STAU2: variants seen among roughly 807,000 people sequenced by gnomAD.
STAU2 encodes the protein double-stranded RNA-binding protein Staufen homolog 2.
A neutral mutation model predicts 65.9 loss-of-function variants in STAU2; 20 were observed. The observed-to-expected ratio is 0.30, with a 90% confidence interval of 0.21 to 0.44. The LOEUF (loss-of-function observed/expected upper bound fraction) is 0.44, where lower values mean the gene tolerates loss of function less well. STAU2 is among the 20% of genes least tolerant of loss of function. STAU2 has a pLI of 1.00. For missense variants in STAU2, 558 were observed against 683.9 expected (o/e 0.82, Z 2.05); for synonymous variants, 232 against 233.9 (o/e 0.99, Z 0.07).
chr8:73,706,795 A>G (rs1038120114), intron 4 of STAU2, among the ~76,000 whole-genome samples: 1 of 152,206 alleles, frequency 6.6e-6, no homozygotes, highest in Non-Finnish European at 1.5e-5. Context: ...ATTGAGAAAT[A>G]AGAAGAGACC....
chr8:73,476,785 CATGGCATTT>C (rs1820347450), intron 13 of STAU2, among the ~76,000 whole-genome samples: 1 of 152,182 alleles, frequency 6.6e-6, no homozygotes. Context: ...TTACATCTTT[CATGGCATTT>C]ATACCCACAG....
intron 12 of STAU2, among the ~76,000 whole-genome samples, chr8:73,581,469 G>A (rs1809978560): frequency 6.6e-6 from 1 of 152,162 alleles, no homozygotes; most frequent in African/African-American, 2.4e-5. Context: ...GGCATGGAAG[G>A]AAATCAACAT....
rs1233048828 is a variant in STAU2 at position 73,713,898 on chromosome 8, A to T, written c.-17-4736T>A. Among the ~76,000 whole-genome samples the T allele has an allele frequency of 4.0e-5, 6 of 150,908 alleles. No homozygotes were observed. In the East Asian group the frequency reaches 7.8e-4, roughly 20 times the overall value. On this transcript the variant is annotated intron_variant, in intron 3 of 14. Coordinates refer to ENST00000524300, the MANE Select transcript of STAU2 (RefSeq NM_001164380.2). ...CCTTGGTCCCAGAAATGACTTAAAC[A>T]CGGTTTCTTTCCTTTTTTTTTTGAG...
At chr8:73,651,655 G>A (rs552137674) in intron 6 of STAU2, 45 of 532,150 alleles carry the variant, frequency 8.5e-5, no homozygotes, top group South Asian at 7.7e-4. Flanking sequence ...CCTGGCCTCT[G>A]AGTGGGCCTG....
At chr8:73,698,617 T>C (rs1318222069) in intron 4 of STAU2, among the ~76,000 whole-genome samples, 4 of 152,098 alleles carry the variant, frequency 2.6e-5, no homozygotes, top group Non-Finnish European at 5.9e-5. Context: ...TAATTGTAAA[T>C]ATATATGCAA....
chr8:73,603,823 C>A lies in STAU2; in HGVS notation c.932G>T (p.Arg311Leu). The A allele has an allele frequency of 1.2e-6, 2 of 1,612,030 alleles. No homozygotes were observed. The highest frequency in any genetic ancestry group is 1.7e-6 in the Non-Finnish European group (2 of 1,179,800). The change falls in exon 10 of 15, where the codon CGC (arginine) becomes CTC (leucine). Residue 311 changes from arginine (R) to leucine (L), a missense_variant. By Grantham distance (102) the Arg-to-Leu change is moderately radical. This residue lies in a region of STAU2 where 199 missense variants were observed against 299.5 expected (regional missense o/e 0.66). Transcript: ENST00000524300. Reference protein sequence around the residue: ...EYGQGMNPISRLAQIQQAKKE... With the variant: ...EYGQGMNPISLLAQIQQAKKE... ...TTTGGCCTGTTGAATTTGCGCCAGG[C>A]GGCTAATAGGGTTCATCCCTTGGCC...
At chr8:73,538,393 C>T (rs928495131) in intron 13 of STAU2, among the ~76,000 whole-genome samples, 6 of 151,890 alleles carry the variant, frequency 4.0e-5, no homozygotes, top group African/African-American at 1.2e-4. Flanking sequence ...TGAAAGTAGC[C>T]AAGAGCCTAT....
intron 13 of STAU2, 147 bp downstream of exon 13, chr8:73,551,863 TTG>T: frequency 9.1e-6 from 12 of 1,313,932 alleles, no homozygotes; most frequent in Non-Finnish European, 1.2e-5. Flanking sequence ...TATGGCTTTT[TTG>T]TCTGTCCTTT....
rs114694328 is a variant in STAU2, at chr8:73,611,472, T to C, written c.891+2272A>G. Among the ~76,000 whole-genome samples the C allele has an allele frequency of 4.4e-3, 675 of 152,256 alleles. 7 individuals carry two copies. The highest frequency in any genetic ancestry group is 0.016 in the African/African-American group (648 of 41,550). ...GCATAGGAGGGAAGTTCTGGGATAA[T>C]ATTACTTATATACTGGAAGCAGTAG... On this transcript the variant is annotated intron_variant, in intron 9 of 14. Coordinates refer to ENST00000524300, the MANE Select transcript of STAU2 (RefSeq NM_001164380.2).
chr8:73,694,391 C>CA (rs1353586709), intron 4 of STAU2, among the ~76,000 whole-genome samples: 1 of 152,200 alleles, frequency 6.6e-6, no homozygotes, highest in Non-Finnish European at 1.5e-5. Context: ...CACTTGCTCT[C>CA]AATTGTTCAC....
intron 4 of STAU2, among the ~76,000 whole-genome samples, chr8:73,708,490 C>T (rs187964594): frequency 1.5e-4 from 23 of 152,060 alleles, no homozygotes; most frequent in South Asian, 1.3e-3. Flanking sequence ...AATTGCTTTC[C>T]ATTTAAAAAA....
intron 4 of STAU2, among the ~76,000 whole-genome samples, chr8:73,695,785 T>C (rs1215806135): frequency 2.6e-5 from 4 of 152,078 alleles, no homozygotes; most frequent in Non-Finnish European, 4.4e-5. Context: ...TTCCTCTGCC[T>C]GTGGAAAGGG....
At chr8:73,643,631 T>A (rs1815152425) in intron 6 of STAU2, among the ~76,000 whole-genome samples, 1 of 152,158 alleles carries the variant, frequency 6.6e-6, no homozygotes, top group African/African-American at 2.4e-5. Context: ...AAGATCAACA[T>A]ACCATATACC....
chr8:73,605,925 A>G (rs1478353664), intron 9 of STAU2, among the ~76,000 whole-genome samples: 1 of 149,552 alleles, frequency 6.7e-6, no homozygotes, highest in East Asian at 2.0e-4. Context: ...ACACGGTCAC[A>G]TGATTTTCAA....
chr8:73,724,780 T>A (rs897770178), intron 3 of STAU2, among the ~76,000 whole-genome samples: 3 of 151,746 alleles, frequency 2.0e-5, no homozygotes, highest in African/African-American at 7.3e-5. Context: ...CTTGACCTCC[T>A]GGGCTCAAGC....
At chr8:73,643,040 G>A (rs961057990) in intron 6 of STAU2, among the ~76,000 whole-genome samples, 6 of 152,116 alleles carry the variant, frequency 3.9e-5, no homozygotes, top group Non-Finnish European at 1.5e-5. Flanking sequence ...TCTCCTACAT[G>A]AAACACATAT....
At chr8:73,723,704 G>A (rs1346558613) in intron 3 of STAU2, among the ~76,000 whole-genome samples, 1 of 152,112 alleles carries the variant, frequency 6.6e-6, no homozygotes, top group African/African-American at 2.4e-5. Flanking sequence ...ATCACTGTAA[G>A]TCTGATATGG....
At chr8:73,561,042 G>T (rs1808188605) in intron 12 of STAU2, among the ~76,000 whole-genome samples, 1 of 151,880 alleles carries the variant, frequency 6.6e-6, no homozygotes, top group Non-Finnish European at 1.5e-5. Context: ...ACTTTTGCCA[G>T]AAATTTTCTT....
At chr8:73,453,110 C>A (rs1035855063) in intron 13 of STAU2, among the ~76,000 whole-genome samples, 2 of 152,098 alleles carry the variant, frequency 1.3e-5, no homozygotes, top group Non-Finnish European at 2.9e-5. Context: ...AGAACAGGAA[C>A]AATTCTCAAA....
Sources: allele counts gnomAD v4.1 joint callset (sites outside exome capture counted in the v4.1 genomes callset), GRCh38; gene constraint gnomAD v4.1.1; regional missense constraint gnomAD v4.1.1; transcripts MANE v1.5; gene names NCBI Gene and HGNC (gene_info 2026-07-23, HGNC 2026-07-21).